Variants in NAV1 observed in about 807,000 individuals in gnomAD.
NAV1 encodes neuron navigator 1.
A neutral mutation model predicts 175.2 loss-of-function variants in NAV1; 18 were observed. The ratio of observed to expected loss-of-function variants is 0.10; its 90% CI spans 0.07 to 0.15. NAV1 has a LOEUF of 0.15. NAV1 is among the 10% of genes least tolerant of loss of function. NAV1 has a pLI of 1.00. For missense variants in NAV1, 1,731 were observed against 2,436.6 expected (o/e 0.71, Z 6.10); for synonymous variants, 897 against 978.7 (o/e 0.92, Z 1.56).
In NAV1 at chr1:201,762,273, G is replaced by C. The variant is rs575615528; in HGVS notation, c.1227-18148G>C. On this transcript the variant is annotated intron_variant, in intron 3 of 29. Coordinates refer to ENST00000367296, the Ensembl canonical transcript of NAV1. ...AAGTAATAAAAGTGGAAATCCAAGAGGTCATTCTTAGCCCAGAGTTGCTTT... is the reference window on the plus strand; with the variant it reads ...AAGTAATAAAAGTGGAAATCCAAGACGTCATTCTTAGCCCAGAGTTGCTTT... Among the ~76,000 whole-genome samples, 6 of 152,338 alleles carry C rather than the reference G, an allele frequency of 3.9e-5. 1 individual carries two copies. The South Asian group carries it at 1.2e-3, about 32-fold the overall frequency.
intron 2 of NAV1, among the ~76,000 whole-genome samples, chr1:201,603,862 T>G (rs967393336): frequency 6.6e-6 from 1 of 152,194 alleles, no homozygotes; most frequent in African/African-American, 2.4e-5. Context: ...CAAGGTTCTT[T>G]CCATTTCATC....
At position 201,718,692 on chromosome 1, in the gene NAV1, G is replaced by C; in HGVS notation, c.1163G>C (p.Gly388Ala). The C allele has an allele frequency of 6.2e-7, 1 of 1,614,176 alleles. No individual in the cohort carries two copies. Among genetic ancestry groups the C allele is most frequent in the Non-Finnish European group, 8.5e-7 (1 of 1,180,036 alleles). ...TCGGATGAGGTGGACCTCAAGTCCG[G>C]CTACATGAGCGACAGTGACCTCATG... The change falls in exon 3 of 30, where the codon GGC becomes GCC. Residue 388 changes from glycine to alanine, a missense_variant. Around this residue, in one of 13 missense-constraint regions of NAV1, gnomAD observed 487 missense variants for 581.3 expected, o/e 0.84. Transcript: ENST00000367296. The surrounding 1 kb of genome is among the most constrained non-coding windows in gnomAD (Gnocchi z 4.8).
chr1:201,703,476 G>A (rs116165310), intron 1 of NAV1, among the ~76,000 whole-genome samples: 2,956 of 152,308 alleles, frequency 0.019, 100 homozygotes, highest in African/African-American at 0.068. Flanking sequence ...TTTCTCCTGA[G>A]GTGGAGAAGT....
At chr1:201,748,575 A>C (rs552428201) in intron 3 of NAV1, among the ~76,000 whole-genome samples, 3 of 152,198 alleles carry the variant, frequency 2.0e-5, no homozygotes, top group Admixed American at 2.0e-4. Flanking sequence ...GAGGGAGGAA[A>C]TCATTGCTTA....
upstream of NAV1, among the ~76,000 whole-genome samples, chr1:201,646,307 A>AT (rs1202884392): frequency 6.6e-6 from 1 of 152,178 alleles, no homozygotes; most frequent in African/African-American, 2.4e-5. Flanking sequence ...TGCATTGTGC[A>AT]TTGCAGATGG....
At chr1:201,814,762 G>A (rs566102193) in intron 28 of NAV1, among the ~76,000 whole-genome samples, 8 of 152,072 alleles carry the variant, frequency 5.3e-5, no homozygotes, top group South Asian at 4.2e-4. Flanking sequence ...AAAAAAAGCC[G>A]GGTGCGGTGG....
chr1:201,794,165 T>C (rs572824388), intron 14 of NAV1: 1 of 654,874 alleles, frequency 1.5e-6, no homozygotes, highest in East Asian at 3.1e-5. Context: ...TGTTTTCTTT[T>C]TTTGAGATGG....
At chr1:201,677,736 T>C (rs1670309154) in intron 1 of NAV1, among the ~76,000 whole-genome samples, 1 of 152,278 alleles carries the variant, frequency 6.6e-6, no homozygotes, top group Non-Finnish European at 1.5e-5. Flanking sequence ...TGGGCGACAC[T>C]CCCACCTCAG....
At chr1:201,801,241 T>C (rs1677845937) in intron 15 of NAV1, among the ~76,000 whole-genome samples, 1 of 152,230 alleles carries the variant, frequency 6.6e-6, no homozygotes. Flanking sequence ...GCTTTGTAGT[T>C]ATAGCATCAG....
At chr1:201,753,482 A>G (rs1674260177) in intron 3 of NAV1, among the ~76,000 whole-genome samples, 1 of 152,178 alleles carries the variant, frequency 6.6e-6, no homozygotes, top group Admixed American at 6.5e-5. Context: ...ATAAGAATGT[A>G]TTGTGTATCT....
intron 15 of NAV1, chr1:201,797,298 G>A (rs1025434222): frequency 6.6e-6 from 1 of 152,134 alleles, no homozygotes; most frequent in Non-Finnish European, 1.5e-5. Flanking sequence ...ACATATATGA[G>A]TTTCATTCTA....
chr1:201,734,043 C>G lies in NAV1; in HGVS notation c.1226+15288C>G, dbSNP rs1420287852. Among the ~76,000 whole-genome samples, 4 of 152,180 alleles carry G rather than the reference C, an allele frequency of 2.6e-5. No individual in the cohort carries two copies. The South Asian group carries it at 6.2e-4, about 24-fold the overall frequency. On this transcript the variant is annotated intron_variant, in intron 3 of 29. Transcript: ENST00000367296. ...ATGGAAGGGAGACTGCTGCAGTTAGCTAAGTGAGAATGGATGGTGGCTCAC... is the reference window on the plus strand; with the variant it reads ...ATGGAAGGGAGACTGCTGCAGTTAGGTAAGTGAGAATGGATGGTGGCTCAC...
At position 201,570,295 on chromosome 1, in the gene NAV1, G is replaced by A. The variant is rs114723010; in HGVS notation, c.-143-18244G>A. On this transcript the variant is annotated intron_variant, in intron 1 of 33. Coordinates refer to the NAV1 transcript ENST00000685211. ...GATCAAGCAACTGCCAGGGTCAGGC[G>A]CCTCCTTACAGCCGTCAGGAGAATG... Among the ~76,000 whole-genome samples the A allele has an allele frequency of 1.9e-3, 296 of 152,268 alleles. 1 individual carries two copies. The highest frequency in any genetic ancestry group is 6.6e-3 in the African/African-American group (274 of 41,558).
intron 1 of NAV1, among the ~76,000 whole-genome samples, chr1:201,583,454 A>G (rs1476246992): frequency 6.6e-6 from 1 of 152,234 alleles, no homozygotes; most frequent in Non-Finnish European, 1.5e-5. Context: ...TCTCAAGAGC[A>G]GCACCTGCAG....
chr1:201,723,948 C>CA (rs757145100), intron 3 of NAV1: 4 of 152,056 alleles, frequency 2.6e-5, no homozygotes, highest in Non-Finnish European at 5.9e-5. Context: ...TTCTCTAGAC[C>CA]AAAAAGAAAA....
At chr1:201,556,040 G>GATCC (rs1427351970) in intron 1 of NAV1, among the ~76,000 whole-genome samples, 1 of 152,142 alleles carries the variant, frequency 6.6e-6, no homozygotes, top group Non-Finnish European at 1.5e-5. Flanking sequence ...TTAATTCACT[G>GATCC]ATCCATTCAT....
At chr1:201,609,587 A>C (rs1667788794) in intron 2 of NAV1, among the ~76,000 whole-genome samples, 1 of 152,190 alleles carries the variant, frequency 6.6e-6, no homozygotes, top group Admixed American at 6.5e-5. Flanking sequence ...TGGAAGTTTT[A>C]AGATAGGGGA....
intron 1 of NAV1, among the ~76,000 whole-genome samples, chr1:201,665,868 A>G (rs1553251149): frequency 6.6e-6 from 1 of 152,050 alleles, no homozygotes; most frequent in Non-Finnish European, 1.5e-5. Flanking sequence ...GTGTTAAAAA[A>G]AAAAGCCATT....
chr1:201,645,927 A>G (rs892678498), upstream of NAV1, among the ~76,000 whole-genome samples: 4 of 152,352 alleles, frequency 2.6e-5, no homozygotes, highest in African/African-American at 7.2e-5. Flanking sequence ...AGAATGACCA[A>G]TGAGTAAGGA....
Sources: allele counts gnomAD v4.1 joint callset (sites outside exome capture counted in the v4.1 genomes callset), GRCh38; gene constraint gnomAD v4.1.1; regional missense constraint gnomAD v4.1.1; non-coding constraint Gnocchi (gnomAD v3.1); transcripts MANE v1.5; gene names NCBI Gene and HGNC (gene_info 2026-07-23, HGNC 2026-07-21).